Variants in CFAP54 observed in about 807,000 individuals in gnomAD.
CFAP54 encodes the protein cilia and flagella associated protein 54.
Under a neutral mutation model 370.4 loss-of-function variants are expected in CFAP54, and 290 were observed. The ratio of observed to expected loss-of-function variants is 0.78; its 90% CI spans 0.71 to 0.86. The LOEUF is 0.86. Ranked by LOEUF, CFAP54 falls within the 40% of genes least tolerant of loss-of-function variation. The probability of loss-of-function intolerance (pLI) is 0.00; values close to 1 mark genes in which losing one functional copy is unlikely to be tolerated. For synonymous variants in CFAP54, 1,206 were observed against 1,236.5 expected, an observed-to-expected ratio of 0.98 and a Z score of 0.52; for missense variants, 3,399 against 3,528.7, an observed-to-expected ratio of 0.96 and a Z score of 0.93.
chr12:96,771,784 A>G (rs1286355747), intron 60 of CFAP54, among the ~76,000 whole-genome samples: 25 of 152,212 alleles, frequency 1.6e-4, no homozygotes, highest in Non-Finnish European at 2.9e-5. Context: ...AGTGAAACCC[A>G]GGGAGCTCTG....
intron 14 of CFAP54, among the ~76,000 whole-genome samples, chr12:96,543,438 T>C (rs1955600058): frequency 6.6e-6 from 1 of 152,192 alleles, no homozygotes; most frequent in Non-Finnish European, 1.5e-5. Context: ...CTACGGCTTT[T>C]ATCTGTCATT....
intron 45 of CFAP54, among the ~76,000 whole-genome samples, chr12:96,695,919 G>A (rs1197574921): frequency 6.6e-6 from 1 of 152,182 alleles, no homozygotes; most frequent in Non-Finnish European, 1.5e-5. Flanking sequence ...TGAAAACTGA[G>A]AAGAAAGACA....
At chr12:96,799,884 C>T (rs545824688) in intron 63 of CFAP54, among the ~76,000 whole-genome samples, 53 of 152,212 alleles carry the variant, frequency 3.5e-4, no homozygotes, top group Admixed American at 3.5e-3. Flanking sequence ...GAATGCTCTG[C>T]ATATAAAAAT....
intron 50 of CFAP54, among the ~76,000 whole-genome samples, chr12:96,729,972 A>T (rs1469834679): frequency 1.3e-5 from 2 of 152,162 alleles, no homozygotes; most frequent in African/African-American, 4.8e-5. Context: ...ACAGAGAGCA[A>T]ATGTGATGTT....
Position 96,844,631 on chromosome 12 carries a change from A to G in CFAP54, c.9171+15543A>G, listed in dbSNP as rs1959286486. ...TTCTGAAGTTAAGCCTGTGGCTTCAAATTCCTTTTTCTAGTTAAGATAGAT... is the reference window on the plus strand; with the variant it reads ...TTCTGAAGTTAAGCCTGTGGCTTCAGATTCCTTTTTCTAGTTAAGATAGAT... On this transcript the variant is annotated intron_variant, in intron 66 of 67. Transcript: ENST00000524981. 2.0e-5 allele frequency among the ~76,000 whole-genome samples: 3 copies of G among 152,188 alleles called. No individual in the cohort carries two copies. In the South Asian group the frequency reaches 6.2e-4, roughly 32 times the overall value.
intron 50 of CFAP54, among the ~76,000 whole-genome samples, chr12:96,721,124 GA>G (rs1391697086): frequency 6.6e-6 from 1 of 151,944 alleles, no homozygotes; most frequent in Non-Finnish European, 1.5e-5. Flanking sequence ...ACAATGCTTT[GA>G]TTTTTTTATA....
At position 96,863,605 on chromosome 12, in the gene CFAP54, T is replaced by G. The variant is rs183559572; in HGVS notation, c.*14+2653T>G. ...ATAGTAAAGGGAGAGGAAGACATAGTTGAGGTTCAAGCTAAAACTGGGACA... is the reference window on the plus strand; with the variant it reads ...ATAGTAAAGGGAGAGGAAGACATAGGTGAGGTTCAAGCTAAAACTGGGACA... On this transcript the variant is annotated intron_variant, in intron 67 of 67. Coordinates refer to ENST00000524981, the MANE Select transcript of CFAP54 (RefSeq NM_001306084.2). Among the ~76,000 whole-genome samples the G allele has an allele frequency of 6.6e-5, 10 of 152,196 alleles. No individual in the cohort carries two copies. In the South Asian group the frequency reaches 2.1e-3, roughly 32 times the overall value.
intron 26 of CFAP54, among the ~76,000 whole-genome samples, chr12:96,604,475 C>T (rs914510955): frequency 1.3e-5 from 2 of 152,222 alleles, no homozygotes; most frequent in Admixed American, 1.3e-4. Flanking sequence ...CTGGGAGAAC[C>T]ACTGCTCTCT....
chr12:96,545,482 A>T (rs1311824601), intron 14 of CFAP54, among the ~76,000 whole-genome samples: 1 of 152,034 alleles, frequency 6.6e-6, no homozygotes, highest in Non-Finnish European at 1.5e-5. Flanking sequence ...TTTTTAAAAA[A>T]CAAACAATAT....
chr12:96,874,184 T>G (rs1383766140), intron 67 of CFAP54, among the ~76,000 whole-genome samples: 1 of 152,168 alleles, frequency 6.6e-6, no homozygotes, highest in Admixed American at 6.6e-5. Context: ...GGAACTCTGC[T>G]TCCTTAAAAT....
At chr12:96,726,391 G>C (rs1194871211) in intron 50 of CFAP54, among the ~76,000 whole-genome samples, 4 of 152,126 alleles carry the variant, frequency 2.6e-5, no homozygotes, top group Admixed American at 6.5e-5. Flanking sequence ...ACTGCTTCCT[G>C]GTTTAGTCTT....
At chr12:96,635,051 T>A (rs997837248) in intron 32 of CFAP54, among the ~76,000 whole-genome samples, 4 of 152,216 alleles carry the variant, frequency 2.6e-5, no homozygotes, top group Admixed American at 6.5e-5. Flanking sequence ...TACAAAGTTG[T>A]TTTAGCTACT....
rs552416567 is a variant in CFAP54, at chr12:96,613,547, CA to C, written c.3640-8037del. ...AGTAGAACTGAAGGAGATAGAGACA[CA>C]AAAAACCTTCAAAAAATCAATGAAT... is the stretch of plus-strand genomic sequence containing the variant. On this transcript the variant is annotated intron_variant, in intron 26 of 67. Coordinates refer to ENST00000524981, the MANE Select transcript of CFAP54 (RefSeq NM_001306084.2). Among the ~76,000 whole-genome samples, 169 of 152,040 alleles carry C rather than the reference CA, an allele frequency of 1.1e-3. 1 individual carries two copies. Among genetic ancestry groups the C allele is most frequent in the African/African-American group, 4.0e-3 (166 of 41,482 alleles).
At chr12:96,512,694 G>A (rs1024549414) in intron 4 of CFAP54, among the ~76,000 whole-genome samples, 13 of 152,042 alleles carry the variant, frequency 8.6e-5, no homozygotes, top group African/African-American at 2.9e-4. Context: ...CATAAATTAT[G>A]CCACTAGAAT....
chr12:96,589,165 G>C (rs1956102004), intron 22 of CFAP54, among the ~76,000 whole-genome samples: 1 of 152,120 alleles, frequency 6.6e-6, no homozygotes, highest in Admixed American at 6.6e-5. Context: ...ATAAGGATTT[G>C]AAACATCCTT....
intron 50 of CFAP54, among the ~76,000 whole-genome samples, chr12:96,726,651 A>T (rs1307249120): frequency 6.6e-6 from 1 of 151,780 alleles, no homozygotes; most frequent in Non-Finnish European, 1.5e-5. Context: ...AATTTTTTGA[A>T]GGGTTTTTTG....
At chr12:96,683,737 T>C (rs1176811148) in intron 40 of CFAP54, among the ~76,000 whole-genome samples, 1 of 152,192 alleles carries the variant, frequency 6.6e-6, no homozygotes, top group East Asian at 1.9e-4. Context: ...GTTGGGGTTT[T>C]TGGCTACACA....
intron 50 of CFAP54, among the ~76,000 whole-genome samples, chr12:96,721,080 G>C (rs1957747113): frequency 6.6e-6 from 1 of 151,708 alleles, no homozygotes; most frequent in Non-Finnish European, 1.5e-5. Context: ...ACACAGCTGG[G>C]TTGTTTAATT....
At chr12:96,658,149 GA>G (rs372079822) in intron 37 of CFAP54, 44 bp downstream of exon 37, 39,355 of 1,152,554 alleles carry the variant, frequency 0.034, 1 homozygote, top group East Asian at 0.074. Context: ...AGACTTCATT[GA>G]AAAAAAAAAA....
Sources: gnomAD v4.1 joint callset for allele counts (sites outside exome capture counted in the v4.1 genomes callset) on GRCh38, gnomAD v4.1.1 for gene constraint, MANE v1.5 for transcripts, NCBI Gene and HGNC (gene_info 2026-07-23, HGNC 2026-07-21) for gene names.